NSG2: variants seen among roughly 807,000 people sequenced by gnomAD.
NSG2 encodes the protein neuronal vesicle trafficking associated 2, also known as neuronal vesicle trafficking-associated protein 2.
NSG2 carries 4 observed loss-of-function variants against 16.9 expected under a neutral mutation model. That is an observed-to-expected ratio of 0.24 (90% CI 0.12 to 0.54). The LOEUF is 0.54. Ranked by LOEUF, NSG2 falls within the 20% of genes least tolerant of loss-of-function variation. The pLI, the probability that NSG2 is intolerant of heterozygous loss-of-function variation, is 0.95. For synonymous variants in NSG2, 98 were observed against 88.7 expected (o/e 1.11, Z -0.59); for missense variants, 179 against 221.1 (o/e 0.81, Z 1.21).
At chr5:174,098,494 G>A (rs1760842332) in intron 3 of NSG2, among the ~76,000 whole-genome samples, 1 of 152,016 alleles carries the variant, frequency 6.6e-6, no homozygotes, top group African/African-American at 2.4e-5. Flanking sequence ...CTGGAACCTC[G>A]AGCTCCTCTT....
At chr5:174,063,500 C>T (rs1760089372) in intron 2 of NSG2, among the ~76,000 whole-genome samples, 1 of 151,784 alleles carries the variant, frequency 6.6e-6, no homozygotes, top group African/African-American at 2.4e-5. Flanking sequence ...GGCTTAGAAA[C>T]AGAATCTTCA....
rs377325095 is a variant in NSG2 at position 174,054,984 on chromosome 5, T to A, written c.129+8100T>A. On this transcript the variant is annotated intron_variant, in intron 2 of 4. Transcript: ENST00000303177. ...TACATAGCAAATGTTTATCATAGTG[T>A]CTAGTACGTAGTAGATGCTTAATGC... 8.5e-5 allele frequency among the ~76,000 whole-genome samples: 13 copies of A among 152,344 alleles called. No individual in the cohort carries two copies. The South Asian group carries it at 2.5e-3, about 29-fold the overall frequency.
At chr5:174,096,160 C>T (rs953535221) in intron 3 of NSG2, among the ~76,000 whole-genome samples, 5 of 152,246 alleles carry the variant, frequency 3.3e-5, no homozygotes, top group African/African-American at 7.2e-5. Context: ...GTGCCTGGCA[C>T]AATCAGTGCC....
intron 3 of NSG2, among the ~76,000 whole-genome samples, chr5:174,066,989 CA>C (rs543368373): frequency 0.025 from 695 of 27,872 alleles, 21 homozygotes; most frequent in African/African-American, 0.035. Flanking sequence ...GACTCTGTCT[CA>C]AAAAAAAAAA....
At chr5:174,084,892 G>A (rs528938365) in intron 3 of NSG2, among the ~76,000 whole-genome samples, 2 of 152,210 alleles carry the variant, frequency 1.3e-5, no homozygotes, top group African/African-American at 2.4e-5. Flanking sequence ...CTGGCTGTGC[G>A]TGCACTCCTG....
At chr5:174,089,654 C>T (rs1760691449) in intron 3 of NSG2, among the ~76,000 whole-genome samples, 1 of 152,138 alleles carries the variant, frequency 6.6e-6, no homozygotes, top group Non-Finnish European at 1.5e-5. Context: ...ACAGTTCTTG[C>T]TTGATTTGTT....
At chr5:174,078,238 T>C (rs777237833) in intron 3 of NSG2, among the ~76,000 whole-genome samples, 2 of 151,904 alleles carry the variant, frequency 1.3e-5, no homozygotes, top group Non-Finnish European at 2.9e-5. Context: ...CCAGGGACAT[T>C]TCCTAAAGGT....
chr5:174,098,730 C>T (rs777651257), intron 3 of NSG2, among the ~76,000 whole-genome samples: 20 of 152,292 alleles, frequency 1.3e-4, no homozygotes, highest in Non-Finnish European at 2.6e-4. Flanking sequence ...TGGCTGTGCA[C>T]AGCATCCGGC....
intron 3 of NSG2, among the ~76,000 whole-genome samples, chr5:174,086,843 C>T (rs546950452): frequency 6.6e-6 from 1 of 152,282 alleles, no homozygotes; most frequent in Non-Finnish European, 1.5e-5. Flanking sequence ...ATCGGCAGGG[C>T]CCTCGGACCC....
rs115764696 is a variant in NSG2, at chr5:174,087,856, A to G, written c.214-16372A>G. On this transcript the variant is annotated intron_variant, in intron 3 of 4. Transcript: ENST00000303177. ...TACATCATGTTTTATAAATTCTAAT[A>G]TGCATCTTAAGCCTTTCCAGTGAAA... Among the ~76,000 whole-genome samples the G allele has an allele frequency of 6.7e-3, 1,020 of 152,228 alleles. 11 individuals carry two copies. The highest frequency in any genetic ancestry group is 0.024 in the African/African-American group (980 of 41,542).
chr5:174,052,568 G>C (rs1759908010), intron 2 of NSG2, among the ~76,000 whole-genome samples: 1 of 152,172 alleles, frequency 6.6e-6, no homozygotes, highest in African/African-American at 2.4e-5. Flanking sequence ...CAGGCCATGG[G>C]AGCAAGCTCC....
At chr5:174,074,829 C>T (rs915504582) in intron 3 of NSG2, among the ~76,000 whole-genome samples, 6 of 151,918 alleles carry the variant, frequency 3.9e-5, no homozygotes, top group Admixed American at 6.6e-5. Context: ...TTGGAGACCC[C>T]GCTTAGAGCT....
At chr5:174,051,764 G>A (rs1214263928) in intron 2 of NSG2, among the ~76,000 whole-genome samples, 1 of 152,234 alleles carries the variant, frequency 6.6e-6, no homozygotes, top group East Asian at 1.9e-4. Context: ...GATGCAAATT[G>A]TGAGAAGGGC....
chr5:174,077,747 G>A (rs963759757), intron 3 of NSG2, among the ~76,000 whole-genome samples: 2 of 152,116 alleles, frequency 1.3e-5, no homozygotes, highest in Non-Finnish European at 1.5e-5. Flanking sequence ...CCTTTCCTGC[G>A]TTTTTCTGGT....
chr5:174,082,860 C>T (rs1760508997), intron 3 of NSG2, among the ~76,000 whole-genome samples: 1 of 152,152 alleles, frequency 6.6e-6, no homozygotes, highest in African/African-American at 2.4e-5. Flanking sequence ...CCACTCCTTC[C>T]AGTCAATTTC....
chr5:174,068,685 ATGGAAGGTGCTGGTGCTG>A (rs1760185092), intron 3 of NSG2, among the ~76,000 whole-genome samples: 1 of 143,778 alleles, frequency 7.0e-6, no homozygotes, highest in Admixed American at 6.9e-5. Context: ...TTCTGGTGCT[ATGGAAGGTGCTGGTGCTG>A]TGGAAGGTGC....
chr5:174,097,645 C>A (rs1157036225), intron 3 of NSG2, among the ~76,000 whole-genome samples: 1 of 134,118 alleles, frequency 7.5e-6, no homozygotes, highest in Non-Finnish European at 1.5e-5. Flanking sequence ...GTGTGTGTTT[C>A]TCTCTCAGTG....
chr5:174,058,831 G>A (rs983803771), intron 2 of NSG2, among the ~76,000 whole-genome samples: 3 of 152,250 alleles, frequency 2.0e-5, no homozygotes, highest in African/African-American at 7.2e-5. Context: ...AAAATATTGT[G>A]TAGCAGCCTG....
chr5:174,046,556 A>G, intron 1 of NSG2, 178 bp from the exon 2 acceptor site: 1 of 578,828 alleles, frequency 1.7e-6, no homozygotes, highest in South Asian at 2.4e-5. Context: ...TGATGATTAA[A>G]GAAGTTTTGT....
Sources: gnomAD v4.1 joint callset for allele counts (sites outside exome capture counted in the v4.1 genomes callset) on GRCh38, gnomAD v4.1.1 for gene constraint, MANE v1.5 for transcripts, NCBI Gene and HGNC (gene_info 2026-07-23, HGNC 2026-07-21) for gene names.